ERBIN: variants seen among roughly 807,000 people sequenced by gnomAD.
ERBIN encodes erbb2 interacting protein, also known as densin-180-like protein.
A neutral mutation model predicts 158.4 loss-of-function variants in ERBIN; 60 were observed. The ratio of observed to expected loss-of-function variants is 0.38; its 90% CI spans 0.31 to 0.47. The LOEUF is 0.47. Among genes scored for constraint, ERBIN ranks in the 20% least tolerant of loss-of-function variants. The pLI is 0.99. For missense variants in ERBIN, 1,610 were observed against 1,648.0 expected, an observed-to-expected ratio of 0.98 and a Z score of 0.40; for synonymous variants, 594 against 557.2, an observed-to-expected ratio of 1.07 and a Z score of -0.93.
chr5:66,062,986 C>T (rs1400218643), intron 21 of ERBIN, among the ~76,000 whole-genome samples: 1 of 152,236 alleles, frequency 6.6e-6, no homozygotes, highest in Admixed American at 6.5e-5. Context: ...ACTTGAGGGT[C>T]AGGGACCCAC....
chr5:66,024,201 T>C, intron 9 of ERBIN, 105 bp from the exon 10 acceptor site: 1 of 752,486 alleles, frequency 1.3e-6, no homozygotes, highest in Non-Finnish European at 2.1e-6. Flanking sequence ...TTTCTTGTAT[T>C]AGCATTTAAT....
intron 1 of ERBIN, among the ~76,000 whole-genome samples, chr5:65,965,916 A>G (rs1358366327): frequency 1.3e-5 from 2 of 152,210 alleles, no homozygotes; most frequent in East Asian, 3.8e-4. Flanking sequence ...CTCTTGATAA[A>G]TCCATGGGAT....
chr5:66,006,636 T>C (rs1437986210), intron 4 of ERBIN, among the ~76,000 whole-genome samples: 1,546 of 150,914 alleles, frequency 0.01, 12 homozygotes, highest in Non-Finnish European at 0.016. Flanking sequence ...ATTTTTGCAA[T>C]CTACTTATCT....
At chr5:66,069,068 C>T in intron 21 of ERBIN, 1 of 1,403,492 alleles carries the variant, frequency 7.1e-7, no homozygotes, top group Non-Finnish European at 9.3e-7. Flanking sequence ...GAAGAGAAAA[C>T]CCCAAATTTT....
At chr5:65,991,057 A>C (rs1751822616) in intron 2 of ERBIN, among the ~76,000 whole-genome samples, 1 of 152,186 alleles carries the variant, frequency 6.6e-6, no homozygotes, top group Non-Finnish European at 1.5e-5. Context: ...CGCCCAGCCT[A>C]GAATAATCAC....
At chr5:66,029,158 G>GAT (rs1211871142) in intron 14 of ERBIN, among the ~76,000 whole-genome samples, 1 of 152,024 alleles carries the variant, frequency 6.6e-6, no homozygotes, top group Non-Finnish European at 1.5e-5. Flanking sequence ...ATTTCTTTTG[G>GAT]ATATATATCC....
intron 1 of ERBIN, among the ~76,000 whole-genome samples, chr5:65,983,920 A>G (rs1009561048): frequency 6.6e-6 from 1 of 152,222 alleles, no homozygotes; most frequent in African/African-American, 2.4e-5. Flanking sequence ...CTCCCAGGGC[A>G]GCACATATGA....
At chr5:65,990,354 C>T (rs548029954) in intron 2 of ERBIN, among the ~76,000 whole-genome samples, 1 of 152,292 alleles carries the variant, frequency 6.6e-6, no homozygotes, top group South Asian at 2.1e-4. Context: ...AAGAACTTAG[C>T]ACAGTGCCTG....
chr5:65,933,921 T>A (rs2150846635), intron 1 of ERBIN, among the ~76,000 whole-genome samples: 1 of 152,220 alleles, frequency 6.6e-6, no homozygotes, highest in East Asian at 1.9e-4. Flanking sequence ...TTTTTTTTAT[T>A]TGAGAGCTCT....
intron 21 of ERBIN, among the ~76,000 whole-genome samples, chr5:66,056,799 G>C (rs1759627431): frequency 6.6e-6 from 1 of 152,104 alleles, no homozygotes; most frequent in Admixed American, 6.6e-5. Context: ...CTCATCATTT[G>C]CTTGCCCAGA....
intron 22 of ERBIN, 63 bp from the exon 23 acceptor site, chr5:66,074,961 A>G: frequency 1.3e-6 from 2 of 1,485,662 alleles, no homozygotes; most frequent in South Asian, 2.3e-5. Flanking sequence ...CCAAGAAGAA[A>G]TCCAAATATT....
chr5:66,065,095 G>C (rs1232299938), intron 21 of ERBIN, among the ~76,000 whole-genome samples: 1 of 152,064 alleles, frequency 6.6e-6, no homozygotes, highest in East Asian at 1.9e-4. Flanking sequence ...TAGCTTAGTT[G>C]GTTTTGAATA....
chr5:66,059,328 G>A (rs1759986370), intron 21 of ERBIN, among the ~76,000 whole-genome samples: 1 of 151,892 alleles, frequency 6.6e-6, no homozygotes, highest in South Asian at 2.1e-4. Flanking sequence ...TCATGATTTG[G>A]CTCTCTGTTT....
chr5:66,033,520 T>TA (rs1479771308), intron 14 of ERBIN, among the ~76,000 whole-genome samples: 2 of 152,162 alleles, frequency 1.3e-5, no homozygotes, highest in East Asian at 3.8e-4. Context: ...GTTAATAGGA[T>TA]AAATGCTGTT....
At chr5:66,010,924 T>C (rs1213959294) in intron 4 of ERBIN, among the ~76,000 whole-genome samples, 1 of 152,220 alleles carries the variant, frequency 6.6e-6, no homozygotes, top group Non-Finnish European at 1.5e-5. Context: ...GAGTAAATGC[T>C]CAGAATCTTT....
chr5:66,042,967 A>G (rs1475741735), intron 15 of ERBIN, 110 bp from the exon 16 acceptor site: 2 of 807,718 alleles, frequency 2.5e-6, no homozygotes, highest in Non-Finnish European at 2.0e-6. Flanking sequence ...ATTCTTAACT[A>G]TTTTAGACTT....
At chr5:66,052,998 C>G (rs1278406213) in intron 20 of ERBIN, among the ~76,000 whole-genome samples, 1 of 152,170 alleles carries the variant, frequency 6.6e-6, no homozygotes, top group African/African-American at 2.4e-5. Flanking sequence ...GTCCTTTGCT[C>G]TTTACTCCAC....
intron 21 of ERBIN, among the ~76,000 whole-genome samples, chr5:66,063,346 G>A (rs372222833): frequency 5.9e-5 from 9 of 152,218 alleles, no homozygotes; most frequent in South Asian, 2.1e-4. Context: ...AGCCAGTTGC[G>A]GGATATAATC....
intron 21 of ERBIN, among the ~76,000 whole-genome samples, chr5:66,065,852 C>T (rs1414369513): frequency 6.6e-6 from 1 of 152,052 alleles, no homozygotes; most frequent in African/African-American, 2.4e-5. Context: ...ACTGTTACTT[C>T]CTGAGCAGAT....
Sources: allele counts gnomAD v4.1 joint callset (sites outside exome capture counted in the v4.1 genomes callset), GRCh38; gene constraint gnomAD v4.1.1; transcripts MANE v1.5; gene names NCBI Gene and HGNC (gene_info 2026-07-23, HGNC 2026-07-21).